Variants in XPA observed in about 807,000 individuals in gnomAD.
The protein encoded by XPA is DNA repair protein complementing XP-A cells.
A neutral mutation model predicts 35.7 loss-of-function variants in XPA; 27 were observed. That is an observed-to-expected ratio of 0.76 (90% CI 0.56 to 1.04). The LOEUF (loss-of-function observed/expected upper bound fraction) is 1.04. XPA is among the 50% of genes least tolerant of loss of function. XPA has a pLI of 0.00. For missense variants in XPA, 354 were observed against 342.7 expected, an observed-to-expected ratio of 1.03 and a Z score of -0.26; for synonymous variants, 133 against 118.4, an observed-to-expected ratio of 1.12 and a Z score of -0.80.
Position 97,687,237 on chromosome 9 carries a change from A to C in XPA, c.414T>G (p.Leu138=), listed in dbSNP as rs1232292804. 1 of 1,607,676 alleles carries C rather than the reference A, an allele frequency of 6.2e-7. No homozygotes were observed. The highest frequency in any genetic ancestry group is 8.5e-7 in the Non-Finnish European group (1 of 1,177,224). ...NCRDADDKHK[L]ITKTEAKQEY... is the part of the protein sequence containing the mutation. ...CTTGTTTTGCCTCTGTTTTGGTTAT[A>C]AGCTTGTGTTTATCATCAGCATCTC... Residue 138 remains leucine (L), a synonymous_variant, in exon 4 of 6, where the codon CTT becomes CTG. Transcript: ENST00000375128.
chr9:97,669,906 ACCCCCCCAACAACCCCCCG>A, downstream of XPA: 1 of 586,752 alleles, frequency 1.7e-6, no homozygotes, highest in South Asian at 1.8e-5. Context: ...CCTAATTGCC[ACCCCCCCAACAACCCCCCG>A]CCCCACCTTT....
intron 5 of XPA, among the ~76,000 whole-genome samples, chr9:97,684,259 G>A (rs1188891105): frequency 6.6e-6 from 1 of 152,198 alleles, no homozygotes; most frequent in Non-Finnish European, 1.5e-5. Flanking sequence ...TGGATGGATG[G>A]ATGGATGAAC....
At position 97,684,946 on chromosome 9, in the gene XPA, T is replaced by C; in HGVS notation, c.650A>G (p.Lys217Arg). Residue 217 changes from lysine to arginine, a missense_variant, in exon 5 of 6, where the codon AAG becomes AGG. Coordinates refer to ENST00000375128, the MANE Select transcript of XPA (RefSeq NM_000380.4). Reference protein sequence around the residue: ...RQENREKMKQKKFDKKVKELR... With the variant: ...RQENREKMKQRKFDKKVKELR... ...ACCTTTTACTTTTTTATCAAATTTC[T>C]TCTGTTTCATTTTTTCTCGGTTTTC... The C allele has an allele frequency of 6.2e-7, 1 of 1,613,618 alleles. No individual in the cohort carries two copies. Among genetic ancestry groups the C allele is most frequent in the Admixed American group, 1.7e-5 (1 of 60,004 alleles).
the XPA span, chr9:97,669,529 G>T: frequency 9.5e-6 from 11 of 1,155,652 alleles, no homozygotes; most frequent in South Asian, 1.4e-4. Flanking sequence ...TCTTTGTCAT[G>T]AATTTTTTTC....
chr9:97,674,833 T>A, downstream of XPA: 2 of 396,246 alleles, frequency 5.0e-6, no homozygotes, highest in South Asian at 4.2e-5. Context: ...TTTTCCATTT[T>A]AATCCAGCAT....
chr9:97,665,545 C>T, the XPA span, among the ~76,000 whole-genome samples: 2 of 152,324 alleles, frequency 1.3e-5, no homozygotes, highest in Middle Eastern at 6.8e-3. Context: ...ATTTGTAACT[C>T]TGCAAACCTT....
intron 5 of XPA, among the ~76,000 whole-genome samples, chr9:97,678,271 T>C (rs1828428650): frequency 6.6e-6 from 1 of 152,054 alleles, no homozygotes; most frequent in African/African-American, 2.4e-5. Flanking sequence ...CATGGTGGCA[T>C]ATGCCTGTAA....
At chr9:97,669,495 T>C in the XPA span, 1 of 753,882 alleles carries the variant, frequency 1.3e-6, no homozygotes, top group East Asian at 2.7e-5. Flanking sequence ...AAAGACAGGG[T>C]GGAACAGGCA....
At chr9:97,672,135 G>A (rs1023832518), downstream of XPA, 1 of 152,160 alleles carries the variant, frequency 6.6e-6, no homozygotes, top group Admixed American at 6.5e-5. Context: ...GTATAGTACT[G>A]ATGCTGAAAT....
chr9:97,687,237 A>G lies in XPA; in HGVS notation c.414T>C (p.Leu138=), dbSNP rs1232292804. The G allele has an allele frequency of 1.2e-6, 2 of 1,607,794 alleles. No individual in the cohort carries two copies. Among genetic ancestry groups the G allele is most frequent in the East Asian group, 4.5e-5 (2 of 44,728 alleles). Residue 138 remains leucine, a synonymous_variant, in exon 4 of 6, where the codon CTT becomes CTC. Transcript: ENST00000375128. ...CTTGTTTTGCCTCTGTTTTGGTTAT[A>G]AGCTTGTGTTTATCATCAGCATCTC... The part of the protein sequence containing the change: ...NCRDADDKHK[L]ITKTEAKQEY...
downstream of XPA, chr9:97,670,941 G>T: frequency 1.2e-5 from 6 of 484,416 alleles, no homozygotes; most frequent in South Asian, 4.1e-5. Context: ...GGGATTTTCA[G>T]GGGTCCATTG....
At chr9:97,657,926 ATTTTTTTT>A in the XPA span, among the ~76,000 whole-genome samples, 21 of 91,400 alleles carry the variant, frequency 2.3e-4, no homozygotes, top group African/African-American at 8.4e-4. Flanking sequence ...ATATATATAT[ATTTTTTTT>A]TTTTTTTTTA....
chr9:97,695,376 C>T (rs1587753863), intron 1 of XPA, among the ~76,000 whole-genome samples: 1 of 152,182 alleles, frequency 6.6e-6, no homozygotes, highest in South Asian at 2.1e-4. Flanking sequence ...TCTCTGTATC[C>T]CTTCATTAGA....
At chr9:97,663,125 T>C in the XPA span, 1 of 1,143,172 alleles carries the variant, frequency 8.7e-7, no homozygotes, top group Non-Finnish European at 1.3e-6. Flanking sequence ...GCCATTGTTT[T>C]GTTTGTAAAA....
At chr9:97,666,654 G>A in the XPA span, 1 of 663,078 alleles carries the variant, frequency 1.5e-6, no homozygotes, top group Non-Finnish European at 2.5e-6. Context: ...TCAGCCCCAA[G>A]GACAGAAGGC....
rs369922893 is a variant in XPA, at chr9:97,687,062, G to A, written c.555+34C>T. 8 of 1,584,168 alleles carry A rather than the reference G, an allele frequency of 5.0e-6. No homozygotes were observed. In the African/African-American group the frequency reaches 9.5e-5, roughly 19 times the overall value. On this transcript the variant is annotated intron_variant, in intron 4 of 5. Transcript: ENST00000375128. Reference sequence around the variant, plus strand: ...CTAGTTTGTTATTAAGAATTTACCAGAGTGAAAAATAATAAATACAACTTA... The same window carrying A: ...CTAGTTTGTTATTAAGAATTTACCAAAGTGAAAAATAATAAATACAACTTA...
Position 97,675,022 on chromosome 9 carries a change from GAAC to G in XPA, c.*414_*416del. 1 of 528,510 alleles carries G rather than the reference GAAC, an allele frequency of 1.9e-6. No individual in the cohort carries two copies. The highest frequency in any genetic ancestry group is 3.7e-6 in the Non-Finnish European group (1 of 272,924). The allele number at this position is 528,510 out of a possible 1,614,324, so 32.7% of individuals were successfully genotyped here. On this transcript the variant is annotated 3_prime_UTR_variant, in exon 6 of 6. Transcript: ENST00000375128. ...AATCGTCCTAAAAAACACATGACTA[GAAC>G]CTGGGGTACAGTGGTGCACCACCAT... is the stretch of plus-strand genomic sequence containing the variant.
chr9:97,683,866 A>G lies in XPA; in HGVS notation c.673+1057T>C, dbSNP rs542016300. On this transcript the variant is annotated intron_variant, in intron 5 of 5. Coordinates refer to ENST00000375128, the MANE Select transcript of XPA (RefSeq NM_000380.4). The stretch of plus-strand genomic sequence containing the variant: ...GACATCTGACCTTATTCACTCTCCA[A>G]AACCACTTATGAATCCTAAAAACAT... Among the ~76,000 whole-genome samples the G allele has an allele frequency of 2.0e-5, 3 of 152,128 alleles. No individual in the cohort carries two copies. The East Asian group carries it at 5.8e-4, about 29-fold the overall frequency.
chr9:97,694,974 G>C (rs1191305939), intron 1 of XPA, among the ~76,000 whole-genome samples: 1 of 152,170 alleles, frequency 6.6e-6, no homozygotes. Flanking sequence ...CAGATACTAT[G>C]TTGCGCAAAA....
Sources: gnomAD v4.1 joint callset for allele counts (sites outside exome capture counted in the v4.1 genomes callset) on GRCh38, gnomAD v4.1.1 for gene constraint, MANE v1.5 for transcripts, NCBI Gene and HGNC (gene_info 2026-07-23, HGNC 2026-07-21) for gene names.